The following GP1BA variants were observed in gnomAD, a reference collection of about 807,000 sequenced individuals.
The protein encoded by GP1BA is platelet glycoprotein Ib alpha chain.
Under a neutral mutation model 5.6 loss-of-function variants are expected in GP1BA, and 3 were observed. The ratio of observed to expected loss-of-function variants is 0.53; its 90% confidence interval spans 0.24 to 1.38. GP1BA has a LOEUF of 1.38. Among genes scored for constraint, GP1BA ranks in the 40% most tolerant of loss-of-function variants. The pLI is 0.16. For missense variants in GP1BA, 707 were observed against 801.4 expected (o/e 0.88, Z 1.42); for synonymous variants, 323 against 358.3 (o/e 0.90, Z 1.11).
In GP1BA at chr17:4,932,489, G is replaced by A. The variant is rs1970355752; in HGVS notation, c.-6-110G>A. The A allele has an allele frequency of 3.1e-6, 4 of 1,290,664 alleles. No homozygotes were observed. The highest frequency in any genetic ancestry group is 4.2e-6 in the Non-Finnish European group (4 of 955,276). 80.0% of individuals were successfully genotyped at this position (1,290,664 alleles called of 1,614,324 possible). ...GGAGATGGGAGTAGGGAGGACAGGA[G>A]GTGTGGATGCTGTTTCTGGAAGCGA... On this transcript the variant is annotated intron_variant, in intron 1 of 1. Transcript: ENST00000329125. The surrounding 1 kb of genome is among the most constrained non-coding windows in gnomAD (Gnocchi z 4.8).
rs752489274 is a variant in GP1BA at position 4,932,716 on chromosome 17, CT to C, written c.113del (p.Leu38ArgfsTer17). 6 of 1,614,012 alleles carry C rather than the reference CT, an allele frequency of 3.7e-6. No homozygotes were observed. The highest frequency in any genetic ancestry group is 5.1e-6 in the Non-Finnish European group (6 of 1,179,898). On this transcript the variant is annotated frameshift_variant, in exon 2 of 2. Transcript: ENST00000329125. LOFTEE classifies it low-confidence loss of function (END_TRUNC). The surrounding 1 kb of genome is among the most constrained non-coding windows in gnomAD (Gnocchi z 4.8). ...HLEVNCDKRN[L>X]TALPPDLPKD... Reference sequence around the variant, plus strand: ...AGAAGTGAACTGTGACAAGAGGAATCTGACAGCGCTGCCTCCAGACCTGCCG... The same window carrying C: ...AGAAGTGAACTGTGACAAGAGGAATCGACAGCGCTGCCTCCAGACCTGCCG...
At position 4,934,053 on chromosome 17, in the gene GP1BA, AC is replaced by A; in HGVS notation, c.1452del (p.Val485TyrfsTer4). On this transcript the variant is annotated frameshift_variant, in exon 2 of 2. Coordinates refer to ENST00000329125, the MANE Select transcript of GP1BA (RefSeq NM_000173.7). LOFTEE classifies it low-confidence loss of function (END_TRUNC). Reference protein sequence around the residue: ...PKSTFLTTTKPVSLLESTKKT... With the variant: ...PKSTFLTTTKXVSLLESTKKT... ...AAAGCACATTTTTAACTACCACAAA[AC>A]CCGTATCACTCTTAGAATCCACCAA... 5 of 1,613,430 alleles carry A rather than the reference AC, an allele frequency of 3.1e-6. No individual in the cohort carries two copies. Among genetic ancestry groups the A allele is most frequent in the Non-Finnish European group, 4.2e-6 (5 of 1,179,842 alleles).
rs1288484445 is a variant in GP1BA, at chr17:4,933,821, C to T, written c.1217C>T (p.Pro406Leu). 3 of 1,598,858 alleles carry T rather than the reference C, an allele frequency of 1.9e-6. No individual in the cohort carries two copies. The highest frequency in any genetic ancestry group is 1.3e-5 in the African/African-American group (1 of 74,388). ...AACATGACCACCCTGGAGCCCACTC[C>T]AAGCCCGACCACCCCAGAGCCCACC... is the stretch of plus-strand genomic sequence containing the variant. ...APNMTTLEPT[P>L]SPTTPEPTSE... is the part of the protein sequence containing the mutation. The change falls in exon 2 of 2, where the codon CCA (proline) becomes CTA (leucine). Residue 406 changes from proline (P) to leucine (L), a missense_variant. This residue lies in a region of GP1BA where 442 missense variants were observed against 498.8 expected (regional missense o/e 0.89). Transcript: ENST00000329125.
chr17:4,934,169 A>G lies in GP1BA; in HGVS notation c.1565A>G (p.His522Arg), dbSNP rs970648954. ...AGCTCCAGAAATGACCCTTTTCTCC[A>G]CCCCGACTTTTGCTGCCTCCTCCCC... ...LESSRNDPFL[H>R]PDFCCLLPLG... is the part of the protein sequence containing the mutation. The change falls in exon 2 of 2, where the codon CAC becomes CGC. Residue 522 changes from histidine (H) to arginine (R), a missense_variant. His to Arg is a conservative substitution (Grantham distance 29). This residue lies in a region of GP1BA where 247 missense variants were observed against 246.6 expected (regional missense o/e 1.00). Transcript: ENST00000329125. 5.6e-6 allele frequency: 9 copies of G among 1,613,474 alleles called. No individual in the cohort carries two copies. In the East Asian group the frequency reaches 1.8e-4, roughly 32 times the overall value.
rs373961465 is a variant in GP1BA, at chr17:4,933,174, C to T, written c.570C>T (p.Leu190=). The T allele has an allele frequency of 3.1e-5, 50 of 1,613,874 alleles. No homozygotes were observed. Among genetic ancestry groups the T allele is most frequent in the Admixed American group, 1.8e-4 (11 of 60,004 alleles). The change falls in exon 2 of 2, where the codon CTC becomes CTT. Residue 190 remains leucine (L), a synonymous_variant. Transcript: ENST00000329125. ...PAGLLNGLEN[L]DTLLLQENSL... ...GGCTCCTGAATGGGCTGGAGAATCT[C>T]GACACCCTTCTCCTCCAAGAGAACT... is the stretch of plus-strand genomic sequence containing the variant.
rs770552079 is a variant in GP1BA at position 4,933,201 on chromosome 17, G to A, written c.597G>A (p.Ser199=). The part of the protein sequence containing the change: ...NLDTLLLQEN[S]LYTIPKGFFG... ...ACACCCTTCTCCTCCAAGAGAACTC[G>A]CTGTATACAATACCAAAGGGCTTTT... The change falls in exon 2 of 2, where the codon TCG becomes TCA. Residue 199 remains serine (S), a synonymous_variant. Transcript: ENST00000329125. 66 of 1,613,826 alleles carry A rather than the reference G, an allele frequency of 4.1e-5. No individual in the cohort carries two copies. The highest frequency in any genetic ancestry group is 2.0e-4 in the East Asian group (9 of 44,898).
At position 4,934,182 on chromosome 17, in the gene GP1BA, C is replaced by T. The variant is rs1417653891; in HGVS notation, c.1578C>T (p.Cys526=). The T allele has an allele frequency of 1.2e-6, 2 of 1,613,864 alleles. No individual in the cohort carries two copies. The highest frequency in any genetic ancestry group is 1.7e-6 in the Non-Finnish European group (2 of 1,179,822). Reference sequence around the variant, plus strand: ...ACCCTTTTCTCCACCCCGACTTTTGCTGCCTCCTCCCCCTGGGCTTCTATG... The same window carrying T: ...ACCCTTTTCTCCACCCCGACTTTTGTTGCCTCCTCCCCCTGGGCTTCTATG... ...RNDPFLHPDF[C]CLLPLGFYVL... The change falls in exon 2 of 2, where the codon TGC becomes TGT. Residue 526 remains cysteine (C), a synonymous_variant. Transcript: ENST00000329125.
rs1450043159 is a variant in GP1BA at position 4,934,059 on chromosome 17, A to G, written c.1455A>G (p.Val485=). 2 of 1,613,686 alleles carry G rather than the reference A, an allele frequency of 1.2e-6. No homozygotes were observed. Among genetic ancestry groups the G allele is most frequent in the Non-Finnish European group, 8.5e-7 (1 of 1,179,890 alleles). The change falls in exon 2 of 2, where the codon GTA becomes GTG. Residue 485 remains valine (V), a synonymous_variant. Transcript: ENST00000329125. ...KSTFLTTTKP[V]SLLESTKKTI... ...CATTTTTAACTACCACAAAACCCGT[A>G]TCACTCTTAGAATCCACCAAAAAAA...
Position 4,932,382 on chromosome 17 carries a change from G to T in GP1BA, c.-7+17G>T. 7.1e-7 allele frequency: 1 copy of T among 1,402,866 alleles called. No homozygotes were observed. The highest frequency in any genetic ancestry group is 9.3e-7 in the Non-Finnish European group (1 of 1,079,904). 86.9% of individuals were successfully genotyped at this position (1,402,866 alleles called of 1,614,324 possible). A position where few individuals can be genotyped will look rare whatever the true frequency, so the allele number is the denominator to read the frequency against. On this transcript the variant is annotated intron_variant, in intron 1 of 1. Transcript: ENST00000329125. This position sits in a 1 kb window ranked among gnomAD's most constrained non-coding sequence, Gnocchi z 4.8. ...TGCCTGCCTGTAAGCCGGGGTTGGT[G>T]CTGGGGCAGGAGAGGGGTCTGAGGG... is the stretch of plus-strand genomic sequence containing the variant.
At position 4,933,200 on chromosome 17, in the gene GP1BA, CG is replaced by C; in HGVS notation, c.597del (p.Leu200CysfsTer56). 3 of 1,614,000 alleles carry C rather than the reference CG, an allele frequency of 1.9e-6. No individual in the cohort carries two copies. Among genetic ancestry groups the C allele is most frequent in the Non-Finnish European group, 2.5e-6 (3 of 1,179,886 alleles). On this transcript the variant is annotated frameshift_variant, in exon 2 of 2. Coordinates refer to ENST00000329125, the MANE Select transcript of GP1BA (RefSeq NM_000173.7). LOFTEE classifies it low-confidence loss of function (END_TRUNC). Reference sequence around the variant, plus strand: ...GACACCCTTCTCCTCCAAGAGAACTCGCTGTATACAATACCAAAGGGCTTTT... The same window carrying C: ...GACACCCTTCTCCTCCAAGAGAACTCCTGTATACAATACCAAAGGGCTTTT... ...NLDTLLLQEN[S>X]LYTIPKGFFG...
In GP1BA at chr17:4,933,316, G is replaced by C; in HGVS notation, c.712G>C (p.Asp238His). The change falls in exon 2 of 2, where the codon GAC (aspartate) becomes CAC (histidine). Residue 238 changes from aspartate (D) to histidine (H), a missense_variant. By Grantham distance (81) the Asp-to-His change is moderately conservative (BLOSUM62 -1). Transcript: ENST00000329125. ...EILYFRRWLQDNAENVYVWKQ... is the reference protein window; with the variant it reads ...EILYFRRWLQHNAENVYVWKQ... ...CCTCTATTTTCGTCGCTGGCTGCAGGACAATGCTGAAAATGTCTACGTATG... is the reference window on the plus strand; with the variant it reads ...CCTCTATTTTCGTCGCTGGCTGCAGCACAATGCTGAAAATGTCTACGTATG... The C allele has an allele frequency of 6.2e-7, 1 of 1,613,974 alleles. No homozygotes were observed. Among genetic ancestry groups the C allele is most frequent in the Non-Finnish European group, 8.5e-7 (1 of 1,179,900 alleles).
rs759573909 is a variant in GP1BA at position 4,934,077 on chromosome 17, C to CA, written c.1480dup (p.Thr494AsnfsTer4). 4 of 1,613,538 alleles carry CA rather than the reference C, an allele frequency of 2.5e-6. No homozygotes were observed. The highest frequency in any genetic ancestry group is 2.2e-5 in the East Asian group (1 of 44,898). The stretch of plus-strand genomic sequence containing the variant: ...AACCCGTATCACTCTTAGAATCCAC[C>CA]AAAAAAACCATCCCTGAACTTGATC... On this transcript the variant is annotated frameshift_variant, in exon 2 of 2. Coordinates refer to ENST00000329125, the MANE Select transcript of GP1BA (RefSeq NM_000173.7). LOFTEE classifies it low-confidence loss of function (END_TRUNC).
rs750729909 is a variant in GP1BA at position 4,933,810 on chromosome 17, G to A, written c.1206G>A (p.Leu402=). 6.2e-7 allele frequency: 1 copy of A among 1,606,752 alleles called. No individual in the cohort carries two copies. The highest frequency in any genetic ancestry group is 8.5e-7 in the Non-Finnish European group (1 of 1,178,128). Residue 402 remains leucine (L), a synonymous_variant, in exon 2 of 2, where the codon CTG becomes CTA. Coordinates refer to ENST00000329125, the MANE Select transcript of GP1BA (RefSeq NM_000173.7). ...AGCCCGCCCCAAACATGACCACCCT[G>A]GAGCCCACTCCAAGCCCGACCACCC... ...VPEPAPNMTT[L]EPTPSPTTPE... is the part of the protein sequence containing the mutation.
rs6068 is a variant in GP1BA at position 4,932,819 on chromosome 17, G to A, written c.215G>A (p.Arg72His). 1.2e-3 allele frequency: 2,011 copies of A among 1,613,924 alleles called. 21 individuals carry two copies. The African/African-American group carries it at 0.023, about 19-fold the overall frequency. ...CTGGCAACCCTGATGCCTTACACTC[G>A]CCTCACTCAGCTGAACCTAGATAGG... Reference protein sequence around the residue: ...FSLATLMPYTRLTQLNLDRCE... With the variant: ...FSLATLMPYTHLTQLNLDRCE... The change falls in exon 2 of 2, where the codon CGC becomes CAC. Residue 72 changes from arginine to histidine, a missense_variant. By Grantham distance (29) the Arg-to-His change is conservative. Coordinates refer to ENST00000329125, the MANE Select transcript of GP1BA (RefSeq NM_000173.7). This position sits in a 1 kb window ranked among gnomAD's most constrained non-coding sequence, Gnocchi z 4.8.
chr17:4,935,013 A>G lies in GP1BA; in HGVS notation c.*450A>G, dbSNP rs2243095. On this transcript the variant is annotated 3_prime_UTR_variant, in exon 2 of 2. Coordinates refer to ENST00000329125, the MANE Select transcript of GP1BA (RefSeq NM_000173.7). ...TTGTATATTATCTGTATAATAAAAA[A>G]TAATTTTAGGGTTGGGAGTGATGGC... is the stretch of plus-strand genomic sequence containing the variant. The G allele has an allele frequency of 3.8e-3, 725 of 191,164 alleles. 5 individuals are homozygous for G. Among genetic ancestry groups the G allele is most frequent in the African/African-American group, 0.017 (697 of 41,708 alleles). The allele number at this position is 191,164 out of a possible 1,614,324, so 11.8% of individuals were successfully genotyped here. A position where few individuals can be genotyped will look rare whatever the true frequency, so the allele number is the denominator to read the frequency against.
Position 4,934,786 on chromosome 17 carries a change from C to T in GP1BA, c.*223C>T, listed in dbSNP as rs1298542428. 8.2e-6 allele frequency: 5 copies of T among 607,406 alleles called. No individual in the cohort carries two copies. Among genetic ancestry groups the T allele is most frequent in the African/African-American group, 3.7e-5 (2 of 53,708 alleles). 37.6% of individuals were successfully genotyped at this position (607,406 alleles called of 1,614,324 possible). A position where few individuals can be genotyped will look rare whatever the true frequency, so the allele number is the denominator to read the frequency against. ...TGGCGGGGGGACAAGACAAAGCTCC[C>T]GATGCTGCATGGGGCGCTGCCAGAT... On this transcript the variant is annotated 3_prime_UTR_variant, in exon 2 of 2. Transcript: ENST00000329125.
At position 4,934,184 on chromosome 17, in the gene GP1BA, G is replaced by C. The variant is rs1360894165; in HGVS notation, c.1580G>C (p.Cys527Ser). 1 of 1,613,832 alleles carries C rather than the reference G, an allele frequency of 6.2e-7. No individual in the cohort carries two copies. The highest frequency in any genetic ancestry group is 1.7e-5 in the Admixed American group (1 of 60,000). ...NDPFLHPDFCCLLPLGFYVLG... is the reference protein window; with the variant it reads ...NDPFLHPDFCSLLPLGFYVLG... ...CCTTTTCTCCACCCCGACTTTTGCT[G>C]CCTCCTCCCCCTGGGCTTCTATGTC... Residue 527 changes from cysteine (C) to serine (S), a missense_variant, in exon 2 of 2, where the codon TGC (cysteine) becomes TCC (serine). Around this residue, in one of 3 missense-constraint regions of GP1BA, gnomAD observed 247 missense variants for 246.6 expected, o/e 1.00. Transcript: ENST00000329125.
At position 4,932,880 on chromosome 17, in the gene GP1BA, G is replaced by A. The variant is rs1970363233; in HGVS notation, c.276G>A (p.Leu92=). 1.2e-6 allele frequency: 2 copies of A among 1,613,878 alleles called. No individual in the cohort carries two copies. Among genetic ancestry groups the A allele is most frequent in the African/African-American group, 2.7e-5 (2 of 74,942 alleles). ...ELTKLQVDGT[L]PVLGTLDLSH... ...CCAAGCTCCAGGTCGATGGGACGCT[G>A]CCAGTGCTGGGGACCCTGGATCTAT... Residue 92 remains leucine (L), a synonymous_variant, in exon 2 of 2, where the codon CTG becomes CTA. Coordinates refer to ENST00000329125, the MANE Select transcript of GP1BA (RefSeq NM_000173.7). This position sits in a 1 kb window ranked among gnomAD's most constrained non-coding sequence, Gnocchi z 4.8.
rs1567648424 is a variant in GP1BA, at chr17:4,933,883, ACC to A, written c.1280_1281del (p.Thr427IlefsTer70). On this transcript the variant is annotated frameshift_variant, in exon 2 of 2. Coordinates refer to ENST00000329125, the MANE Select transcript of GP1BA (RefSeq NM_000173.7). LOFTEE classifies it low-confidence loss of function (END_TRUNC). ...CCCCAGCCCGACCACCCCGGAGCCC[ACC>A]TCAGAGCCCGCCCCCAGCCCGACCA... The part of the protein sequence containing the change: ...PAPSPTTPEP[T>X]SEPAPSPTTP... 1 of 634,454 alleles carries A rather than the reference ACC, an allele frequency of 1.6e-6. No homozygotes were observed. The highest frequency in any genetic ancestry group is 6.3e-5 in the Admixed American group (1 of 15,830). 39.3% of individuals were successfully genotyped at this position (634,454 alleles called of 1,614,324 possible). A position where few individuals can be genotyped will look rare whatever the true frequency, so the allele number is the denominator to read the frequency against.
Sources: allele counts gnomAD v4.1 joint callset, GRCh38; gene constraint gnomAD v4.1.1; regional missense constraint gnomAD v4.1.1; non-coding constraint Gnocchi (gnomAD v3.1); transcripts MANE v1.5; gene names NCBI Gene and HGNC (gene_info 2026-07-23, HGNC 2026-07-21).